KIF5B: variants seen among roughly 807,000 people sequenced by gnomAD.
KIF5B encodes kinesin family member 5B, also known as kinesin-1 heavy chain.
Under a neutral mutation model 132.8 loss-of-function variants are expected in KIF5B, and 49 were observed. That is an observed-to-expected ratio of 0.37 (90% CI 0.29 to 0.47). KIF5B has a LOEUF of 0.47. Ranked by LOEUF, KIF5B falls within the 20% of genes least tolerant of loss-of-function variation. The pLI, the probability that KIF5B is intolerant of heterozygous loss-of-function variation, is 1.00. For missense variants in KIF5B, 780 were observed against 1,144.0 expected (o/e 0.68, Z 4.59); for synonymous variants, 355 against 369.4 (o/e 0.96, Z 0.45).
intron 1 of KIF5B, among the ~76,000 whole-genome samples, chr10:32,049,040 G>A (rs1419131782): frequency 1.3e-5 from 2 of 151,950 alleles, no homozygotes; most frequent in Admixed American, 1.3e-4. Flanking sequence ...TGTTGCCCAG[G>A]CTTGTCTTGA....
intron 6 of KIF5B, 49 bp downstream of exon 6, chr10:32,038,109 TAAAAA>T: frequency 3.1e-6 from 3 of 965,478 alleles, no homozygotes; most frequent in Non-Finnish European, 4.6e-6. Context: ...GACTCTGTCT[TAAAAA>T]AAAAAAAAAA....
Position 32,056,094 on chromosome 10 carries a change from C to G in KIF5B, c.-121G>C. 1 of 1,272,536 alleles carries G rather than the reference C, an allele frequency of 7.9e-7. No homozygotes were observed. Among genetic ancestry groups the G allele is most frequent in the Non-Finnish European group, 1.1e-6 (1 of 937,580 alleles). The allele number at this position is 1,272,536 out of a possible 1,614,324, so 78.8% of individuals were successfully genotyped here. On this transcript the variant is annotated 5_prime_UTR_variant, in exon 1 of 26. Coordinates refer to ENST00000302418, the MANE Select transcript of KIF5B (RefSeq NM_004521.3). ...CGTGAGAGGCAGCAGTCAGCTGCGCCGCGCTGCGCTTCCCCGGGTGGAGGC... is the reference window on the plus strand; with the variant it reads ...CGTGAGAGGCAGCAGTCAGCTGCGCGGCGCTGCGCTTCCCCGGGTGGAGGC...
intron 2 of KIF5B, among the ~76,000 whole-genome samples, chr10:32,044,795 G>A (rs1378654251): frequency 2.0e-5 from 3 of 152,210 alleles, no homozygotes; most frequent in Non-Finnish European, 4.4e-5. Context: ...GCTTGGAAAG[G>A]TTAGGTAACT....
Position 32,040,599 on chromosome 10 carries a change from T to C in KIF5B, c.215-142A>G. The C allele has an allele frequency of 6.6e-6, 4 of 605,300 alleles. No individual in the cohort carries two copies. In the East Asian group the frequency reaches 1.1e-4, roughly 17 times the overall value. The allele number at this position is 605,300 out of a possible 1,614,324, so 37.5% of individuals were successfully genotyped here. ...GTTACAGGAAAATATCAGATGTTTA[T>C]TCCTAGTGAGGTATAAAACACCCTA... On this transcript the variant is annotated intron_variant, in intron 2 of 25. Coordinates refer to ENST00000302418, the MANE Select transcript of KIF5B (RefSeq NM_004521.3).
chr10:32,046,749 T>C (rs1022194777), intron 2 of KIF5B, among the ~76,000 whole-genome samples: 1 of 152,144 alleles, frequency 6.6e-6, no homozygotes, highest in Admixed American at 6.5e-5. Context: ...GGAAGTCAAC[T>C]CCATGACAAC....
chr10:32,023,128 T>G, intron 15 of KIF5B, 92 bp from the exon 16 acceptor site: 1 of 615,858 alleles, frequency 1.6e-6, no homozygotes, highest in Non-Finnish European at 2.6e-6. Flanking sequence ...ATAAAATATA[T>G]TTTAGTATTA....
chr10:32,019,778 C>A lies in KIF5B; in HGVS notation c.2306+80G>T, dbSNP rs571082647. 28 of 908,236 alleles carry A rather than the reference C, an allele frequency of 3.1e-5. No individual in the cohort carries two copies. In the Admixed American group the frequency reaches 5.8e-4, roughly 19 times the overall value. 56.3% of individuals were successfully genotyped at this position (908,236 alleles called of 1,614,324 possible). On this transcript the variant is annotated intron_variant, in intron 20 of 25. Coordinates refer to ENST00000302418, the MANE Select transcript of KIF5B (RefSeq NM_004521.3). ...CCATACAAAGTAAAATATGTATCCA[C>A]TGGCTATATCCAAAGGTAATGCCTA...
chr10:32,038,153 C>G lies in KIF5B; in HGVS notation c.498+10G>C. 2 of 1,516,164 alleles carry G rather than the reference C, an allele frequency of 1.3e-6. No individual in the cohort carries two copies. Among genetic ancestry groups the G allele is most frequent in the South Asian group, 1.2e-5 (1 of 86,032 alleles). 93.9% of individuals were successfully genotyped at this position (1,516,164 alleles called of 1,614,324 possible). A position where few individuals can be genotyped will look rare whatever the true frequency, so the allele number is the denominator to read the frequency against. On this transcript the variant is annotated intron_variant, in intron 6 of 25. Coordinates refer to ENST00000302418, the MANE Select transcript of KIF5B (RefSeq NM_004521.3). ...TTACAGGGTTTTCTAGACAACTGTA[C>G]TATAAATACCTTTACATAGGGAACT...
chr10:32,038,773 CT>C lies in KIF5B; in HGVS notation c.442+4del. 1 of 1,406,506 alleles carries C rather than the reference CT, an allele frequency of 7.1e-7. No individual in the cohort carries two copies. The highest frequency in any genetic ancestry group is 1.0e-6 in the Non-Finnish European group (1 of 1,003,222). The allele number at this position is 1,406,506 out of a possible 1,614,324, so 87.1% of individuals were successfully genotyped here. On this transcript the variant is annotated splice_donor_region_variant and intron_variant, in intron 5 of 25. Transcript: ENST00000302418. ...TTAAAACTGATTAGCAAGAATTTAACTTACCATCTAACAGGTCCCTTATCTT... is the reference window on the plus strand; with the variant it reads ...TTAAAACTGATTAGCAAGAATTTAACTACCATCTAACAGGTCCCTTATCTT...
rs1340046611 is a variant in KIF5B at position 32,009,420 on chromosome 10, GC to G, written c.*2116del. The G allele has an allele frequency of 6.6e-6, 1 of 152,138 alleles. No individual in the cohort carries two copies. The highest frequency in any genetic ancestry group is 1.5e-5 in the Non-Finnish European group (1 of 68,020). The allele number at this position is 152,138 out of a possible 1,614,324, so 9.4% of individuals were successfully genotyped here. ...GAAATTTTCATTTTTAAGAGTAAGT[GC>G]TGTGTTTAATGACCTACCATAGCAA... On this transcript the variant is annotated 3_prime_UTR_variant, in exon 26 of 26. Transcript: ENST00000302418.
At chr10:32,040,623 T>TAA (rs1336005095) in intron 2 of KIF5B, among the ~76,000 whole-genome samples, 166 bp from the exon 3 acceptor site, 2 of 48,328 alleles carry the variant, frequency 4.1e-5, no homozygotes, top group African/African-American at 1.4e-4. Flanking sequence ...TAAAACACCC[T>TAA]AAAACACACA....
intron 17 of KIF5B, among the ~76,000 whole-genome samples, chr10:32,021,590 GAC>G (rs3029348): frequency 4.0e-5 from 6 of 148,452 alleles, no homozygotes; most frequent in African/African-American, 9.9e-5. Flanking sequence ...CCTATGTTAA[GAC>G]ACACACACAC....
chr10:32,037,231 G>C, intron 8 of KIF5B, 23 bp downstream of exon 8: 1 of 1,601,716 alleles, frequency 6.2e-7, no homozygotes, highest in Non-Finnish European at 8.5e-7. Flanking sequence ...TTAAATATTT[G>C]TCAAAATACA....
In KIF5B at chr10:32,054,675, T is replaced by C. The variant is rs963835587; in HGVS notation, c.126+1173A>G. Reference sequence around the variant, plus strand: ...AACATATTAAAATTTCATACCATGGTAACAATGTAGAAAGTTAGTTCTACT... The same window carrying C: ...AACATATTAAAATTTCATACCATGGCAACAATGTAGAAAGTTAGTTCTACT... On this transcript the variant is annotated intron_variant, in intron 1 of 25. Transcript: ENST00000302418. Among the ~76,000 whole-genome samples the C allele has an allele frequency of 2.0e-5, 3 of 152,212 alleles. No individual in the cohort carries two copies. In the South Asian group the frequency reaches 6.2e-4, roughly 32 times the overall value.
At chr10:32,050,626 T>C (rs1808914077) in intron 1 of KIF5B, among the ~76,000 whole-genome samples, 1 of 152,252 alleles carries the variant, frequency 6.6e-6, no homozygotes, top group Non-Finnish European at 1.5e-5. Flanking sequence ...AAGCCACTAT[T>C]AGCTGTTGGT....
chr10:32,046,919 C>T (rs1281039712), intron 2 of KIF5B, among the ~76,000 whole-genome samples: 1 of 113,578 alleles, frequency 8.8e-6, no homozygotes, highest in Non-Finnish European at 2.0e-5. Context: ...TACCAAACAC[C>T]ATGGCTTAGC....
chr10:32,021,009 G>A lies in KIF5B; in HGVS notation c.2204+13C>T, dbSNP rs7910116. The A allele has an allele frequency of 3.4e-3, 4,889 of 1,418,860 alleles. 105 individuals are homozygous for A. The African/African-American group carries it at 0.054, about 16-fold the overall frequency. 87.9% of individuals were successfully genotyped at this position (1,418,860 alleles called of 1,614,324 possible). ...CGATTCTTTCCTCCTAACTAGAGAA[G>A]TATAATACTTACTCTTGAAGATCAG... On this transcript the variant is annotated intron_variant, in intron 19 of 25. Transcript: ENST00000302418.
chr10:32,042,977 G>A (rs1371632805), intron 2 of KIF5B, among the ~76,000 whole-genome samples: 3 of 151,966 alleles, frequency 2.0e-5, no homozygotes, highest in South Asian at 2.1e-4. Flanking sequence ...ACAAAACCCC[G>A]TGCACGGTAC....
At position 32,038,818 on chromosome 10, in the gene KIF5B, A is replaced by G. The variant is rs750600636; in HGVS notation, c.402T>C (p.Tyr134=). ...ENLEFHIKVS[Y]FEIYLDKIRD... is the part of the protein sequence containing the mutation. ...TTATCTTATCCAAATATATTTCAAA[A>G]TATGAAACCTAAAGGGCAAATTTAA... is the stretch of plus-strand genomic sequence containing the variant. Residue 134 remains tyrosine (Y), a synonymous_variant, in exon 5 of 26, where the codon TAT becomes TAC. Coordinates refer to ENST00000302418, the MANE Select transcript of KIF5B (RefSeq NM_004521.3). The G allele has an allele frequency of 1.3e-6, 2 of 1,502,424 alleles. No homozygotes were observed. The highest frequency in any genetic ancestry group is 3.7e-5 in the Admixed American group (2 of 54,310). The allele number at this position is 1,502,424 out of a possible 1,614,324, so 93.1% of individuals were successfully genotyped here.
Sources: gnomAD v4.1 joint callset for allele counts (sites outside exome capture counted in the v4.1 genomes callset) on GRCh38, gnomAD v4.1.1 for gene constraint, MANE v1.5 for transcripts, NCBI Gene and HGNC (gene_info 2026-07-23, HGNC 2026-07-21) for gene names.